NR4A3: variants seen among roughly 807,000 people sequenced by gnomAD.
NR4A3 encodes the protein chondrosarcoma, extraskeletal myxoid, fused to EWS.
Under a neutral mutation model 55.6 loss-of-function variants are expected in NR4A3, and 13 were observed. That is an observed-to-expected ratio of 0.23 (90% CI 0.15 to 0.37). The LOEUF is 0.37. Ranked by LOEUF, NR4A3 falls within the 10% of genes least tolerant of loss-of-function variation. The pLI is 1.00. For synonymous variants in NR4A3, 342 were observed against 357.9 expected, an observed-to-expected ratio of 0.96 and a Z score of 0.50; for missense variants, 646 against 822.8, an observed-to-expected ratio of 0.79 and a Z score of 2.63.
At chr9:99,829,052 AAGTG>A in intron 3 of NR4A3, 59 bp downstream of exon 3, 5 of 1,296,544 alleles carry the variant, frequency 3.9e-6, no homozygotes, top group Non-Finnish European at 4.9e-6. Context: ...GGGAGCTTCT[AAGTG>A]AGTGTAGGAG....
At chr9:99,842,666 G>A (rs1351878379) in intron 5 of NR4A3, among the ~76,000 whole-genome samples, 1 of 152,036 alleles carries the variant, frequency 6.6e-6, no homozygotes, top group Non-Finnish European at 1.5e-5. Context: ...GGAGGTGGAG[G>A]TTTCAGTGAG....
intron 5 of NR4A3, chr9:99,834,028 C>T (rs1272981874): frequency 3.7e-6 from 4 of 1,093,756 alleles, no homozygotes; most frequent in African/African-American, 3.3e-5. Flanking sequence ...CTCCTGCCTA[C>T]AGTGGAAATG....
At position 99,829,031 on chromosome 9, in the gene NR4A3, C is replaced by T. The variant is rs899799676; in HGVS notation, c.951+38C>T. The T allele has an allele frequency of 3.8e-6, 5 of 1,306,506 alleles. No individual in the cohort carries two copies. In the African/African-American group the frequency reaches 4.6e-5, roughly 12 times the overall value. 80.9% of individuals were successfully genotyped at this position (1,306,506 alleles called of 1,614,324 possible). ...CGCCCCCTCCCCTCCGCACCCAGCC[C>T]CCTCACTGAAGGGAGCTTCTAAGTG... On this transcript the variant is annotated intron_variant, in intron 3 of 7. Coordinates refer to ENST00000395097, the MANE Select transcript of NR4A3 (RefSeq NM_006981.4).
intron 5 of NR4A3, 39 bp from the exon 6 acceptor site, chr9:99,844,610 G>T: frequency 1.3e-6 from 2 of 1,557,936 alleles, no homozygotes; most frequent in South Asian, 1.1e-5. Context: ...CATCCCCACT[G>T]AAGCAGGATA....
At chr9:99,829,038 T>A in intron 3 of NR4A3, 45 bp downstream of exon 3, 1 of 1,302,660 alleles carries the variant, frequency 7.7e-7, no homozygotes, top group Non-Finnish European at 9.8e-7. Context: ...GCCCCCTCAC[T>A]GAAGGGAGCT....
intron 6 of NR4A3, 37 bp from the exon 7 acceptor site, chr9:99,847,400 A>G: frequency 6.3e-7 from 1 of 1,594,014 alleles, no homozygotes. Flanking sequence ...CAGATTGAAC[A>G]GACCTGTTTA....
At chr9:99,845,339 C>G (rs1564035353) in intron 6 of NR4A3, among the ~76,000 whole-genome samples, 1 of 152,158 alleles carries the variant, frequency 6.6e-6, no homozygotes, top group Non-Finnish European at 1.5e-5. Context: ...CAGTTTTATT[C>G]CAAGAGAACA....
chr9:99,847,756 T>C, intron 7 of NR4A3, 141 bp downstream of exon 7: 2 of 766,134 alleles, frequency 2.6e-6, no homozygotes, highest in South Asian at 3.8e-5. Flanking sequence ...TTTAACCTAG[T>C]TTAAGCAAAG....
At chr9:99,832,583 T>A in intron 3 of NR4A3, 106 bp from the exon 4 acceptor site, 1 of 946,754 alleles carries the variant, frequency 1.1e-6, no homozygotes, top group East Asian at 2.9e-5. Flanking sequence ...TATCGAATTA[T>A]ACGAATTGCA....
In NR4A3 at chr9:99,852,348, A is replaced by G. The variant is rs796470288; in HGVS notation, c.1633+4733A>G. ...AGGAGAAAAATTAAGAGTGCAGGCT[A>G]TTGCATTTGATGACTGTATGTCCTG... On this transcript the variant is annotated intron_variant, in intron 7 of 7. Coordinates refer to ENST00000395097, the MANE Select transcript of NR4A3 (RefSeq NM_006981.4). Among the ~76,000 whole-genome samples the G allele has an allele frequency of 6.6e-5, 10 of 152,300 alleles. No homozygotes were observed. In the East Asian group the frequency reaches 1.7e-3, roughly 26 times the overall value.
chr9:99,864,152 C>T lies in NR4A3; in HGVS notation c.*285C>T, dbSNP rs141819687. On this transcript the variant is annotated 3_prime_UTR_variant, in exon 8 of 8. Transcript: ENST00000395097. ...GTTTTCTAAGAAATTGCTAACAAAG[C>T]ACTTTTGGACAATGCTATCCCAGCA... 6.7e-3 allele frequency: 2,374 copies of T among 355,730 alleles called. 13 individuals are homozygous for T. The highest frequency in any genetic ancestry group is 9.6e-3 in the Admixed American group (220 of 22,944). 22.0% of individuals were successfully genotyped at this position (355,730 alleles called of 1,614,324 possible).
chr9:99,831,527 G>A (rs1038781789), intron 3 of NR4A3, among the ~76,000 whole-genome samples: 2 of 152,174 alleles, frequency 1.3e-5, no homozygotes, highest in Non-Finnish European at 2.9e-5. Context: ...GAAACATGGG[G>A]GTTGAGAATG....
intron 7 of NR4A3, among the ~76,000 whole-genome samples, chr9:99,855,722 T>A (rs1353823281): frequency 6.6e-6 from 1 of 152,148 alleles, no homozygotes; most frequent in African/African-American, 2.4e-5. Context: ...AGCAATAAGG[T>A]GAATTCCCAG....
rs1564035148 is a variant in NR4A3 at position 99,844,775 on chromosome 9, C to T, written c.1381C>T (p.Leu461Phe). ...WAEKIPGFTDLPKEDQTLLIE... is the reference protein window; with the variant it reads ...WAEKIPGFTDFPKEDQTLLIE... ...AGAAAAGATTCCGGGATTTACTGAT[C>T]TCCCCAAAGAAGATCAGACATTACT... Residue 461 changes from leucine to phenylalanine, a missense_variant, in exon 6 of 8, where the codon CTC (leucine) becomes TTC (phenylalanine). Physicochemically the swap from Leu to Phe is conservative, Grantham distance 22. Coordinates refer to ENST00000395097, the MANE Select transcript of NR4A3 (RefSeq NM_006981.4). The T allele has an allele frequency of 6.2e-7, 1 of 1,614,178 alleles. No individual in the cohort carries two copies. Among genetic ancestry groups the T allele is most frequent in the Non-Finnish European group, 8.5e-7 (1 of 1,180,000 alleles).
chr9:99,849,706 A>T (rs1481428440), intron 7 of NR4A3, among the ~76,000 whole-genome samples: 2 of 152,274 alleles, frequency 1.3e-5, no homozygotes, highest in African/African-American at 4.8e-5. Context: ...AAGTAAAAGC[A>T]GTACATTGCT....
intron 2 of NR4A3, among the ~76,000 whole-genome samples, chr9:99,826,447 A>G (rs1827296519): frequency 6.6e-6 from 1 of 152,262 alleles, no homozygotes; most frequent in African/African-American, 2.4e-5. Flanking sequence ...TCTTCTAGCT[A>G]GAAACCTCAG....
chr9:99,851,091 G>A (rs1029336119), intron 7 of NR4A3, among the ~76,000 whole-genome samples: 3 of 152,168 alleles, frequency 2.0e-5, no homozygotes, highest in East Asian at 1.9e-4. Flanking sequence ...GGGCCTCCCC[G>A]ACCAGGTAGC....
intron 5 of NR4A3, among the ~76,000 whole-genome samples, chr9:99,843,872 G>C (rs187157985): frequency 6.6e-6 from 1 of 151,918 alleles, no homozygotes; most frequent in Non-Finnish European, 1.5e-5. Context: ...TCGTGCCTCA[G>C]CCTCCCGAGT....
In NR4A3 at chr9:99,844,721, G is replaced by T. The variant is rs986789948; in HGVS notation, c.1327G>T (p.Ala443Ser). ...GCAACAATTCTACAACCTCCTGACA[G>T]CCTCCATTGATGTATCCAGAAGCTG... ...HVQQFYNLLTASIDVSRSWAE... is the reference protein window; with the variant it reads ...HVQQFYNLLTSSIDVSRSWAE... Residue 443 changes from alanine (A) to serine (S), a missense_variant, in exon 6 of 8, where the codon GCC (alanine) becomes TCC (serine). By Grantham distance (99) the Ala-to-Ser change is moderately conservative. This residue lies in a region of NR4A3 where 163 missense variants were observed against 233.0 expected (regional missense o/e 0.70). Transcript: ENST00000395097. 2 of 1,614,188 alleles carry T rather than the reference G, an allele frequency of 1.2e-6. No individual in the cohort carries two copies. The highest frequency in any genetic ancestry group is 1.7e-6 in the Non-Finnish European group (2 of 1,180,028).
Sources: allele counts gnomAD v4.1 joint callset (sites outside exome capture counted in the v4.1 genomes callset), GRCh38; gene constraint gnomAD v4.1.1; regional missense constraint gnomAD v4.1.1; transcripts MANE v1.5; gene names NCBI Gene and HGNC (gene_info 2026-07-23, HGNC 2026-07-21).